DIP2C: variants seen among roughly 807,000 people sequenced by gnomAD.
DIP2C encodes disco-interacting protein 2 homolog C.
Under a neutral mutation model 192.4 loss-of-function variants are expected in DIP2C, and 33 were observed. That is an observed-to-expected ratio of 0.17 (90% CI 0.13 to 0.23). The LOEUF (loss-of-function observed/expected upper bound fraction) is 0.23, where lower values mean the gene tolerates loss of function less well. DIP2C is among the 10% of genes least tolerant of loss of function. The pLI is 1.00. For synonymous variants in DIP2C, 979 were observed against 864.1 expected (o/e 1.13, Z -2.33); for missense variants, 1,537 against 2,110.1 (o/e 0.73, Z 5.32).
At chr10:515,217 GAATCTTTAAA>G (rs1846272424) in intron 1 of DIP2C, among the ~76,000 whole-genome samples, 1 of 152,122 alleles carries the variant, frequency 6.6e-6, no homozygotes, top group Non-Finnish European at 1.5e-5. Context: ...ATTGTCAAAA[GAATCTTTAAA>G]AATCTTAATA....
chr10:300,495 G>A (rs1955974285), intron 32 of DIP2C, among the ~76,000 whole-genome samples: 1 of 152,164 alleles, frequency 6.6e-6, no homozygotes, highest in Non-Finnish European at 1.5e-5. Context: ...GAGAAAAGAG[G>A]GATGGAGAGT....
intron 32 of DIP2C, among the ~76,000 whole-genome samples, chr10:292,939 G>A (rs1955566654): frequency 6.6e-6 from 1 of 152,186 alleles, no homozygotes; most frequent in Non-Finnish European, 1.5e-5. Context: ...CCGCTAGCTG[G>A]CAGAGAATCC....
chr10:388,410 G>T (rs891132002), intron 13 of DIP2C, among the ~76,000 whole-genome samples: 2 of 152,198 alleles, frequency 1.3e-5, no homozygotes, highest in Admixed American at 1.3e-4. Context: ...TTCTCCCGAA[G>T]TCACCTGGCC....
intron 14 of DIP2C, among the ~76,000 whole-genome samples, chr10:386,294 C>T (rs1962904256): frequency 6.6e-6 from 1 of 152,190 alleles, no homozygotes; most frequent in Non-Finnish European, 1.5e-5. Context: ...ATAGGATCGT[C>T]GTTCCATTCA....
intron 3 of DIP2C, among the ~76,000 whole-genome samples, chr10:460,446 A>G (rs1405143209): frequency 2.0e-5 from 3 of 152,244 alleles, no homozygotes; most frequent in Non-Finnish European, 2.9e-5. Flanking sequence ...GAGCTTTCAT[A>G]AGAATTCATT....
intron 1 of DIP2C, chr10:641,662 T>C (rs1254916644): frequency 4.5e-5 from 7 of 154,170 alleles, no homozygotes. Flanking sequence ...AAGTCAGATG[T>C]ACTCAAGTCG....
intron 1 of DIP2C, chr10:662,965 G>A (rs974377012): frequency 8.4e-6 from 6 of 716,726 alleles, no homozygotes; most frequent in East Asian, 2.7e-5. Context: ...GTGATTAACA[G>A]AACATGCTGA....
intron 4 of DIP2C, among the ~76,000 whole-genome samples, chr10:435,957 TCATA>T (rs1043607988): frequency 6.6e-6 from 1 of 150,658 alleles, no homozygotes; most frequent in African/African-American, 2.5e-5. Flanking sequence ...CTTTGTAGCC[TCATA>T]TATATATATA....
intron 10 of DIP2C, among the ~76,000 whole-genome samples, chr10:397,612 C>A (rs1964099690): frequency 6.6e-6 from 1 of 152,082 alleles, no homozygotes; most frequent in Non-Finnish European, 1.5e-5. Flanking sequence ...CCTGGGCAGT[C>A]CCTTGGGGCG....
rs201369596 is a variant in DIP2C, at chr10:399,095, G to A, written c.1260+14C>T. 43 of 1,603,726 alleles carry A rather than the reference G, an allele frequency of 2.7e-5. No individual in the cohort carries two copies. The South Asian group carries it at 4.0e-4, about 15-fold the overall frequency. On this transcript the variant is annotated intron_variant, in intron 10 of 36. Transcript: ENST00000280886. ...TCACTCAGCGAGAAACCGAGCAAAG[G>A]GCGCATTCCTTACCTTCCTGGTGAG...
chr10:314,478 A>T (rs1589452494), intron 31 of DIP2C, among the ~76,000 whole-genome samples: 1 of 152,078 alleles, frequency 6.6e-6, no homozygotes, highest in Admixed American at 6.6e-5. Context: ...TAAACTCGGC[A>T]CCAGCCAGGA....
At position 598,962 on chromosome 10, in the gene DIP2C, G is replaced by C. The variant is rs1048787712; in HGVS notation, c.85+90532C>G. Among the ~76,000 whole-genome samples the C allele has an allele frequency of 3.3e-5, 5 of 152,364 alleles. No homozygotes were observed. In the East Asian group the frequency reaches 9.6e-4, roughly 29 times the overall value. On this transcript the variant is annotated intron_variant, in intron 1 of 36. Coordinates refer to ENST00000280886, the MANE Select transcript of DIP2C (RefSeq NM_014974.3). Reference sequence around the variant, plus strand: ...AACATCCTTCCAACAACGACTTTCTGCATCGAGCCTTTGAGGCACAGGCAC... The same window carrying C: ...AACATCCTTCCAACAACGACTTTCTCCATCGAGCCTTTGAGGCACAGGCAC...
chr10:360,001 G>A (rs2132705730), intron 22 of DIP2C, among the ~76,000 whole-genome samples: 1 of 152,258 alleles, frequency 6.6e-6, no homozygotes, highest in South Asian at 2.1e-4. Flanking sequence ...CTTGGAAACT[G>A]GCCTAAATGG....
At chr10:560,987 ACT>A (rs1441299213) in intron 1 of DIP2C, among the ~76,000 whole-genome samples, 1 of 151,972 alleles carries the variant, frequency 6.6e-6, no homozygotes, top group African/African-American at 2.4e-5. Context: ...CTCTCAACCA[ACT>A]GTCAATCAGG....
intron 1 of DIP2C, among the ~76,000 whole-genome samples, chr10:603,334 C>CAA (rs1491589258): frequency 7.8e-4 from 57 of 72,762 alleles, no homozygotes; most frequent in African/African-American, 4.0e-3. Context: ...AAAAAAAAAA[C>CAA]CAACCATGAG....
intron 1 of DIP2C, among the ~76,000 whole-genome samples, chr10:629,661 C>T (rs1010478716): frequency 4.6e-5 from 7 of 151,998 alleles, no homozygotes; most frequent in Non-Finnish European, 8.8e-5. Flanking sequence ...GGCCCGGCCT[C>T]ACTGCTTTAA....
At chr10:436,599 C>A (rs913855460) in intron 4 of DIP2C, among the ~76,000 whole-genome samples, 21 of 151,252 alleles carry the variant, frequency 1.4e-4, no homozygotes, top group Admixed American at 1.2e-3. Flanking sequence ...TCCACCCACA[C>A]CTGAGCTCTC....
Position 666,140 on chromosome 10 carries a change from A to T in DIP2C, c.85+23354T>A, listed in dbSNP as rs1403110119. The T allele has an allele frequency of 6.6e-6, 1 of 152,142 alleles. No homozygotes were observed. Among genetic ancestry groups the T allele is most frequent in the Non-Finnish European group, 1.5e-5 (1 of 68,034 alleles). The allele number at this position is 152,142 out of a possible 1,614,324, so 9.4% of individuals were successfully genotyped here. On this transcript the variant is annotated intron_variant, in intron 1 of 36. Transcript: ENST00000280886. This position sits in a 1 kb window ranked among gnomAD's most constrained non-coding sequence, Gnocchi z 4.1. ...GGAAAGAAGGGCTATCTGGAATAATACGAGTCCGGGTGACATATGTAATTG... is the reference window on the plus strand; with the variant it reads ...GGAAAGAAGGGCTATCTGGAATAATTCGAGTCCGGGTGACATATGTAATTG...
chr10:401,640 C>A (rs958324531), intron 9 of DIP2C, among the ~76,000 whole-genome samples: 1 of 145,718 alleles, frequency 6.9e-6, no homozygotes, highest in African/African-American at 2.5e-5. Context: ...GGTACATTTT[C>A]ATCAGCACAT....
Sources: gnomAD v4.1 joint callset for allele counts (sites outside exome capture counted in the v4.1 genomes callset) on GRCh38, gnomAD v4.1.1 for gene constraint, Gnocchi (gnomAD v3.1) non-coding constraint, MANE v1.5 for transcripts, NCBI Gene and HGNC (gene_info 2026-07-23, HGNC 2026-07-21) for gene names.